C10orf67: variants seen among roughly 807,000 people sequenced by gnomAD.
C10orf67 encodes chromosome 10 open reading frame 67.
A neutral mutation model predicts 35.6 loss-of-function variants in C10orf67; 60 were observed. The observed-to-expected ratio is 1.68, with a 90% CI of 1.37 to 2.09. The LOEUF (loss-of-function observed/expected upper bound fraction) is 2.09. Among genes scored for constraint, C10orf67 ranks in the 30% most tolerant of loss-of-function variants. The pLI, the probability that C10orf67 is intolerant of heterozygous loss-of-function variation, is 0.00. For synonymous variants in C10orf67, 167 were observed against 115.8 expected, an observed-to-expected ratio of 1.44 and a Z score of -2.84; for missense variants, 474 against 330.2, an observed-to-expected ratio of 1.44 and a Z score of -3.38.
intron 4 of C10orf67, among the ~76,000 whole-genome samples, chr10:23,306,164 G>C (rs975951144): frequency 2.6e-5 from 4 of 152,084 alleles, no homozygotes; most frequent in African/African-American, 7.2e-5. Flanking sequence ...GATATAAAAA[G>C]GTAAATAGTG....
At chr10:23,301,140 G>A (rs981929629) in intron 5 of C10orf67, among the ~76,000 whole-genome samples, 17 of 152,220 alleles carry the variant, frequency 1.1e-4, no homozygotes, top group Non-Finnish European at 1.8e-4. Context: ...GGGAATATGG[G>A]TCAGAAGGAA....
At position 23,333,216 on chromosome 10, in the gene C10orf67, C is replaced by A; in HGVS notation, c.207-34G>T. The A allele has an allele frequency of 1.9e-6, 3 of 1,540,478 alleles. No homozygotes were observed. The South Asian group carries it at 3.6e-5, about 18-fold the overall frequency. On this transcript the variant is annotated intron_variant, in intron 1 of 15. Transcript: ENST00000636213. ...AAAGGAAATGAAATGTGCTTTAAGTCATAGATATTTTCTTAGAAATAGATG... is the reference window on the plus strand; with the variant it reads ...AAAGGAAATGAAATGTGCTTTAAGTAATAGATATTTTCTTAGAAATAGATG...
intron 2 of C10orf67, among the ~76,000 whole-genome samples, chr10:23,330,800 T>C (rs936460044): frequency 1.3e-5 from 2 of 151,936 alleles, no homozygotes; most frequent in African/African-American, 4.8e-5. Context: ...TTTCTCTCCC[T>C]AGAAATCTAC....
At chr10:23,279,237 C>T (rs928641930) in intron 8 of C10orf67, among the ~76,000 whole-genome samples, 2 of 152,230 alleles carry the variant, frequency 1.3e-5, no homozygotes, top group Non-Finnish European at 2.9e-5. Context: ...GAACTTGCTC[C>T]TCTGCCTTCC....
chr10:23,240,693 G>C (rs1167612255), intron 12 of C10orf67, among the ~76,000 whole-genome samples: 1 of 152,198 alleles, frequency 6.6e-6, no homozygotes, highest in East Asian at 1.9e-4. Context: ...AAACAAAAAT[G>C]ACAGCATTTA....
At position 23,289,140 on chromosome 10, in the gene C10orf67, CTTG is replaced by C. The variant is rs1453693889; in HGVS notation, c.909+757_909+759del. On this transcript the variant is annotated intron_variant, in intron 7 of 15. Transcript: ENST00000636213. ...CATTCAATTCAATGAGCTAAGAAATCTTGTTGTTGTGGGGGTTGGTGGTGTGTG... is the reference window on the plus strand; with the variant it reads ...CATTCAATTCAATGAGCTAAGAAATCTTGTTGTGGGGGTTGGTGGTGTGTG... Among the ~76,000 whole-genome samples, 4 of 152,032 alleles carry C rather than the reference CTTG, an allele frequency of 2.6e-5. No individual in the cohort carries two copies. The East Asian group carries it at 7.7e-4, about 29-fold the overall frequency.
rs1285278260 is a variant in C10orf67, at chr10:23,250,675, C to A, written c.1217G>T (p.Gly406Val). 2 of 398,468 alleles carry A rather than the reference C, an allele frequency of 5.0e-6. No individual in the cohort carries two copies. The highest frequency in any genetic ancestry group is 8.9e-6 in the Non-Finnish European group (2 of 225,860). The allele number at this position is 398,468 out of a possible 1,614,324, so 24.7% of individuals were successfully genotyped here. A position where few individuals can be genotyped will look rare whatever the true frequency, so the allele number is the denominator to read the frequency against. The change falls in exon 11 of 16, where the codon GGT (glycine) becomes GTT (valine). Residue 406 changes from glycine (G) to valine (V), a missense_variant. Gly to Val is a moderately radical substitution (Grantham distance 109). Coordinates refer to ENST00000636213, the MANE Select transcript of C10orf67 (RefSeq NM_001371909.1). ...EDQAVVEDKHGLESQIEALKA... is the reference protein window; with the variant it reads ...EDQAVVEDKHVLESQIEALKA... ...TAATGCTTCTATTTGAGACTCCAAA[C>A]CATGTTTGTCTTCAACCTTTCAATA...
chr10:23,312,425 G>C lies in C10orf67; in HGVS notation c.546+8316C>G, dbSNP rs538879177. ...ATTTTTTGAGCATTTCCTTGCTTCA[G>C]TTACGACAAATATTGCAGGTCCTTC... is the stretch of plus-strand genomic sequence containing the variant. On this transcript the variant is annotated intron_variant, in intron 4 of 15. Coordinates refer to ENST00000636213, the MANE Select transcript of C10orf67 (RefSeq NM_001371909.1). Among the ~76,000 whole-genome samples the C allele has an allele frequency of 6.0e-4, 92 of 152,232 alleles. 1 individual carries two copies. Among genetic ancestry groups the C allele is most frequent in the South Asian group, 4.6e-3 (22 of 4,828 alleles).
chr10:23,325,540 AAAAAAAC>A lies in C10orf67; in HGVS notation c.328-3010_328-3004del, dbSNP rs754744507. Among the ~76,000 whole-genome samples, 463 of 145,742 alleles carry A rather than the reference AAAAAAAC, an allele frequency of 3.2e-3. 2 individuals are homozygous for A. Among genetic ancestry groups the A allele is most frequent in the Admixed American group, 6.1e-3 (89 of 14,608 alleles). The stretch of plus-strand genomic sequence containing the variant: ...AACAAGTTAATTGTGTGCAAAAAAA[AAAAAAAC>A]AAAAAACAAAAAAACAAAACCAATA... On this transcript the variant is annotated intron_variant, in intron 2 of 15. Coordinates refer to ENST00000636213, the MANE Select transcript of C10orf67 (RefSeq NM_001371909.1).
chr10:23,296,163 C>T (rs1177212869), intron 5 of C10orf67, among the ~76,000 whole-genome samples: 1 of 150,788 alleles, frequency 6.6e-6, no homozygotes, highest in Non-Finnish European at 1.5e-5. Flanking sequence ...ATGCATGTGT[C>T]GATATTTCTA....
At chr10:23,215,398 A>T (rs1361494011) in intron 15 of C10orf67, among the ~76,000 whole-genome samples, 1 of 151,372 alleles carries the variant, frequency 6.6e-6, no homozygotes, top group Non-Finnish European at 1.5e-5. Context: ...TGTTCAAGAG[A>T]TTCTCCTGCC....
Position 23,344,792 on chromosome 10 carries a change from C to A in C10orf67, c.-18G>T. 1 of 1,547,202 alleles carries A rather than the reference C, an allele frequency of 6.5e-7. No individual in the cohort carries two copies. The highest frequency in any genetic ancestry group is 8.7e-7 in the Non-Finnish European group (1 of 1,144,050). On this transcript the variant is annotated 5_prime_UTR_variant, in exon 1 of 16. Transcript: ENST00000636213. ...AAGGCCATCATAAGAGGAGAGCAGG[C>A]TGCCTAATAAGCTGTCTCCACCTGC...
chr10:23,246,025 A>C (rs1842308405), intron 12 of C10orf67, among the ~76,000 whole-genome samples: 1 of 152,254 alleles, frequency 6.6e-6, no homozygotes, highest in Non-Finnish European at 1.5e-5. Context: ...CAGTCATAAA[A>C]AGAATGAAAT....
At chr10:23,317,241 C>T (rs4297364) in intron 4 of C10orf67, 43,461 of 152,324 alleles carry the variant, frequency 0.29, 6,968 homozygotes, top group East Asian at 0.77. Flanking sequence ...GTCATAACAG[C>T]GCCTGGGCTT....
chr10:23,211,480 G>GT (rs1193681718), intron 15 of C10orf67, among the ~76,000 whole-genome samples: 74,144 of 116,704 alleles, frequency 0.64, 20,066 homozygotes, highest in East Asian at 0.84. Flanking sequence ...TGTGTGTGTG[G>GT]GGGGGGGGGG....
At chr10:23,276,260 C>T (rs935058702) in intron 8 of C10orf67, among the ~76,000 whole-genome samples, 15 of 152,108 alleles carry the variant, frequency 9.9e-5, no homozygotes, top group African/African-American at 3.6e-4. Flanking sequence ...ACAGACAAAC[C>T]CATGACCCAA....
chr10:23,242,453 C>A (rs928931244), intron 12 of C10orf67, among the ~76,000 whole-genome samples: 1 of 152,008 alleles, frequency 6.6e-6, no homozygotes, highest in Non-Finnish European at 1.5e-5. Flanking sequence ...GCTATTCAGG[C>A]AGCAAGAAAA....
intron 4 of C10orf67, chr10:23,318,622 T>G: frequency 2.8e-6 from 1 of 361,096 alleles, no homozygotes; most frequent in Non-Finnish European, 5.0e-6. Flanking sequence ...CAAGAGCAGG[T>G]AAGTGGGAGA....
At chr10:23,241,528 T>A (rs1477040702) in intron 12 of C10orf67, among the ~76,000 whole-genome samples, 3 of 152,168 alleles carry the variant, frequency 2.0e-5, no homozygotes, top group Non-Finnish European at 2.9e-5. Context: ...TTGCCCCCCA[T>A]GAAGATATCT....
Sources: allele counts gnomAD v4.1 joint callset (sites outside exome capture counted in the v4.1 genomes callset), GRCh38; gene constraint gnomAD v4.1.1; transcripts MANE v1.5; gene names NCBI Gene and HGNC (gene_info 2026-07-23, HGNC 2026-07-21).